PLEKHG4B: variants seen among roughly 807,000 people sequenced by gnomAD.
The protein encoded by PLEKHG4B is pleckstrin homology and RhoGEF domain containing G4B, also known as pleckstrin homology domain-containing family G member 4B.
Under a neutral mutation model 121.3 loss-of-function variants are expected in PLEKHG4B, and 111 were observed. The observed-to-expected ratio is 0.92, with a 90% CI of 0.78 to 1.07. PLEKHG4B has a LOEUF of 1.07. PLEKHG4B is among the 50% of genes least tolerant of loss of function. The pLI is 0.00. For missense variants in PLEKHG4B, 1,831 were observed against 1,757.8 expected, an observed-to-expected ratio of 1.04 and a Z score of -0.74; for synonymous variants, 738 against 725.0, an observed-to-expected ratio of 1.02 and a Z score of -0.29.
rs1560936337 is a variant in PLEKHG4B, at chr5:157,087, AT to A, written c.2487+182del. The A allele has an allele frequency of 2.0e-6, 2 of 985,278 alleles. No homozygotes were observed. Among genetic ancestry groups the A allele is most frequent in the African/African-American group, 1.6e-5 (1 of 61,428 alleles). 61.0% of individuals were successfully genotyped at this position (985,278 alleles called of 1,614,324 possible). A position where few individuals can be genotyped will look rare whatever the true frequency, so the allele number is the denominator to read the frequency against. ...GCTTGTGTAAAAAGAAATAAATTTTATTTTTTACGTGAGAGATACTGGATCA... is the reference window on the plus strand; with the variant it reads ...GCTTGTGTAAAAAGAAATAAATTTTATTTTTACGTGAGAGATACTGGATCA... On this transcript the variant is annotated intron_variant, in intron 11 of 19. Transcript: ENST00000637938. The surrounding 1 kb of genome is among the most constrained non-coding windows in gnomAD (Gnocchi z 4.6).
At chr5:178,091 C>T (rs180958813) in intron 18 of PLEKHG4B, among the ~76,000 whole-genome samples, 1 of 152,358 alleles carries the variant, frequency 6.6e-6, no homozygotes, top group East Asian at 1.9e-4. Context: ...TATGCATCCC[C>T]ATCTGAGGCT....
intron 13 of PLEKHG4B, among the ~76,000 whole-genome samples, chr5:164,595 A>G (rs112645361): frequency 1.1e-5 from 1 of 87,500 alleles, no homozygotes; most frequent in Non-Finnish European, 2.3e-5. Context: ...TAATGCTGTG[A>G]CGGAGCGGAG....
At chr5:93,614 G>T (rs144672468) in intron 1 of PLEKHG4B, among the ~76,000 whole-genome samples, 1 of 152,226 alleles carries the variant, frequency 6.6e-6, no homozygotes, top group African/African-American at 2.4e-5. Flanking sequence ...GCAGGCAGCC[G>T]GTAGGCCAGG....
rs188312120 is a variant in PLEKHG4B at position 182,906 on chromosome 5, G to C, written c.*583G>C. On this transcript the variant is annotated 3_prime_UTR_variant, in exon 20 of 20. Transcript: ENST00000637938. Reference sequence around the variant, plus strand: ...TGCTACCCATTCGCACACTCAAACAGGGAGGCTACCAAGGCTGGGAGCAAC... The same window carrying C: ...TGCTACCCATTCGCACACTCAAACACGGAGGCTACCAAGGCTGGGAGCAAC... 1 of 156,172 alleles carries C rather than the reference G, an allele frequency of 6.4e-6. No homozygotes were observed. The highest frequency in any genetic ancestry group is 6.1e-5 in the Admixed American group (1 of 16,338). The allele number at this position is 156,172 out of a possible 1,614,324, so 9.7% of individuals were successfully genotyped here.
Position 156,699 on chromosome 5 carries a change from A to G in PLEKHG4B, c.2349-74A>G, listed in dbSNP as rs1735792781. 3 of 1,484,216 alleles carry G rather than the reference A, an allele frequency of 2.0e-6. No individual in the cohort carries two copies. Among genetic ancestry groups the G allele is most frequent in the Admixed American group, 2.3e-5 (1 of 44,012 alleles). 91.9% of individuals were successfully genotyped at this position (1,484,216 alleles called of 1,614,324 possible). On this transcript the variant is annotated intron_variant, in intron 10 of 19. Transcript: ENST00000637938. The surrounding 1 kb of genome is among the most constrained non-coding windows in gnomAD (Gnocchi z 4.4). ...AGGGAATGGAAAGAGCAGGGTTTTTATATGGGGTTGTCACCAAGAGCAGAT... is the reference window on the plus strand; with the variant it reads ...AGGGAATGGAAAGAGCAGGGTTTTTGTATGGGGTTGTCACCAAGAGCAGAT...
At chr5:167,486 T>C (rs1736390876) in intron 13 of PLEKHG4B, among the ~76,000 whole-genome samples, 1 of 130,610 alleles carries the variant, frequency 7.7e-6, no homozygotes, top group Non-Finnish European at 1.8e-5. Flanking sequence ...AGGATCGAGT[T>C]ATTTAAGGAG....
At chr5:95,968 A>G (rs1460891320) in intron 1 of PLEKHG4B, among the ~76,000 whole-genome samples, 1 of 152,230 alleles carries the variant, frequency 6.6e-6, no homozygotes, top group Non-Finnish European at 1.5e-5. Flanking sequence ...TTTTGCCTGA[A>G]GTTCTCACTT....
In PLEKHG4B at chr5:157,169, C is replaced by T; in HGVS notation, c.2487+258C>T. On this transcript the variant is annotated intron_variant, in intron 11 of 19. Transcript: ENST00000637938. This position sits in a 1 kb window ranked among gnomAD's most constrained non-coding sequence, Gnocchi z 4.6. Reference sequence around the variant, plus strand: ...GAGGCCAGGGAGAAAAATAATTTCACACTGTGCCTTCTGATGCTACCAGTG... The same window carrying T: ...GAGGCCAGGGAGAAAAATAATTTCATACTGTGCCTTCTGATGCTACCAGTG... 2.0e-6 allele frequency: 1 copy of T among 508,982 alleles called. No homozygotes were observed. The highest frequency in any genetic ancestry group is 3.6e-6 in the Non-Finnish European group (1 of 281,320). 31.5% of individuals were successfully genotyped at this position (508,982 alleles called of 1,614,324 possible). A position where few individuals can be genotyped will look rare whatever the true frequency, so the allele number is the denominator to read the frequency against.
At position 181,567 on chromosome 5, in the gene PLEKHG4B, G is replaced by A. The variant is rs1425782755; in HGVS notation, c.4456G>A (p.Asp1486Asn). Residue 1486 changes from aspartate to asparagine, a missense_variant, in exon 19 of 20, where the codon GAT becomes AAT. Coordinates refer to ENST00000637938, the MANE Select transcript of PLEKHG4B (RefSeq NM_052909.5). ...GGGTATAGGCAACCAGCCATTCATG[G>A]ATGTCAAGCCCAGAGACCGGACCCC... Reference protein sequence around the residue: ...SMGIGNQPFMDVKPRDRTPDC... With the variant: ...SMGIGNQPFMNVKPRDRTPDC... The A allele has an allele frequency of 6.2e-7, 1 of 1,612,888 alleles. No individual in the cohort carries two copies. The highest frequency in any genetic ancestry group is 8.5e-7 in the Non-Finnish European group (1 of 1,179,450).
At chr5:152,205 CTTTT>C (rs770422898) in intron 7 of PLEKHG4B, among the ~76,000 whole-genome samples, 1 of 140,818 alleles carries the variant, frequency 7.1e-6, no homozygotes, top group South Asian at 2.3e-4. Flanking sequence ...TTCTTTCTGT[CTTTT>C]TTTTTTTTTT....
In PLEKHG4B at chr5:128,720, G is replaced by C. The variant is rs555862073; in HGVS notation, c.244-10763G>C. Reference sequence around the variant, plus strand: ...ATTCTGCCAGTGCAGGTGTTGTCCAGATGGGGAGACAGACTGCTGGTGCCT... The same window carrying C: ...ATTCTGCCAGTGCAGGTGTTGTCCACATGGGGAGACAGACTGCTGGTGCCT... On this transcript the variant is annotated intron_variant, in intron 2 of 19. Coordinates refer to ENST00000637938, the MANE Select transcript of PLEKHG4B (RefSeq NM_052909.5). Among the ~76,000 whole-genome samples, 11 of 152,370 alleles carry C rather than the reference G, an allele frequency of 7.2e-5. No individual in the cohort carries two copies. In the East Asian group the frequency reaches 2.1e-3, roughly 29 times the overall value.
chr5:170,138 T>C (rs962147392), intron 14 of PLEKHG4B, among the ~76,000 whole-genome samples: 6 of 152,208 alleles, frequency 3.9e-5, no homozygotes, highest in African/African-American at 1.4e-4. Flanking sequence ...TGAGAGTCTT[T>C]AATAAAGTTT....
chr5:105,939 G>C (rs904338136), intron 1 of PLEKHG4B, among the ~76,000 whole-genome samples: 2 of 152,224 alleles, frequency 1.3e-5, no homozygotes, highest in Non-Finnish European at 2.9e-5. Context: ...GTGGGACCAG[G>C]TATTGATGGA....
intron 13 of PLEKHG4B, chr5:169,120 C>A (rs1043761632): frequency 5.2e-6 from 3 of 578,952 alleles, no homozygotes; most frequent in South Asian, 4.2e-5. Context: ...GTGATCTACC[C>A]GCCTCAGCCT....
At chr5:168,871 T>C (rs1736441252) in intron 13 of PLEKHG4B, among the ~76,000 whole-genome samples, 1 of 146,186 alleles carries the variant, frequency 6.8e-6, no homozygotes, top group Non-Finnish European at 1.5e-5. Flanking sequence ...TATTCTTTTT[T>C]TTTTTTTTTT....
chr5:140,512 G>A lies in PLEKHG4B; in HGVS notation c.1273G>A (p.Gly425Ser), dbSNP rs764931173. The stretch of plus-strand genomic sequence containing the variant: ...GGAGAGGCACACACCCAGCCGGACA[G>A]GTCCAGGAGCTGCAGGGCGGACTCT... ...EKERHTPSRTGPGAAGRTLPR... is the reference protein window; with the variant it reads ...EKERHTPSRTSPGAAGRTLPR... The change falls in exon 3 of 20, where the codon GGT becomes AGT. Residue 425 changes from glycine to serine, a missense_variant. By Grantham distance (56) the Gly-to-Ser change is moderately conservative. Transcript: ENST00000637938. 1.5e-5 allele frequency: 24 copies of A among 1,597,906 alleles called. No individual in the cohort carries two copies. The highest frequency in any genetic ancestry group is 1.9e-5 in the Non-Finnish European group (22 of 1,172,750).
At chr5:120,476 C>G (rs1734435138) in intron 2 of PLEKHG4B, among the ~76,000 whole-genome samples, 1 of 152,196 alleles carries the variant, frequency 6.6e-6, no homozygotes, top group African/African-American at 2.4e-5. Context: ...TAAAACCAAA[C>G]TCCACCCAAT....
rs371480135 is a variant in PLEKHG4B at position 156,844 on chromosome 5, C to T, written c.2420C>T (p.Ser807Leu). 97 of 1,604,138 alleles carry T rather than the reference C, an allele frequency of 6.0e-5. No individual in the cohort carries two copies. In the African/African-American group the frequency reaches 1.1e-3, roughly 18 times the overall value. ...DEEVHRLVLT[S>L]NNRLQQLEHL... ...GAGGTGCACAGGCTGGTCCTCACCT[C>T]GAACAATCGTCTCCAGCAGCTGGAG... Residue 807 changes from serine to leucine, a missense_variant, in exon 11 of 20, where the codon TCG becomes TTG. Transcript: ENST00000637938. This position sits in a 1 kb window ranked among gnomAD's most constrained non-coding sequence, Gnocchi z 4.4.
chr5:163,097 C>T lies in PLEKHG4B; in HGVS notation c.3025C>T (p.Leu1009=). ...TGGTGCCTGGGAACCTGCGCAACCACTGTCCGGCCTCCCTGGACGAGCGCT... is the reference window on the plus strand; with the variant it reads ...TGGTGCCTGGGAACCTGCGCAACCATTGTCCGGCCTCCCTGGACGAGCGCT... ...GGGAWEPAQP[L]SGLPGRALLC... The change falls in exon 13 of 20, where the codon CTG becomes TTG. Residue 1009 remains leucine, a synonymous_variant. Transcript: ENST00000637938. 1 of 1,563,546 alleles carries T rather than the reference C, an allele frequency of 6.4e-7. No homozygotes were observed. The highest frequency in any genetic ancestry group is 8.7e-7 in the Non-Finnish European group (1 of 1,154,044).
Sources: gnomAD v4.1 joint callset for allele counts (sites outside exome capture counted in the v4.1 genomes callset) on GRCh38, gnomAD v4.1.1 for gene constraint, Gnocchi (gnomAD v3.1) non-coding constraint, MANE v1.5 for transcripts, NCBI Gene and HGNC (gene_info 2026-07-23, HGNC 2026-07-21) for gene names.